Variants in UBE2U observed in about 807,000 individuals in gnomAD.
The protein encoded by UBE2U is ubiquitin-conjugating enzyme E2 U.
A neutral mutation model predicts 41.2 loss-of-function variants in UBE2U; 39 were observed. That is an observed-to-expected ratio of 0.95 (90% CI 0.73 to 1.24). The LOEUF (loss-of-function observed/expected upper bound fraction) is 1.24, where lower values mean the gene tolerates loss of function less well. Ranked by LOEUF, UBE2U falls within the 50% of genes most tolerant of loss-of-function variation. UBE2U has a pLI of 0.00. For missense variants in UBE2U, 336 were observed against 363.1 expected (o/e 0.93, Z 0.61); for synonymous variants, 107 against 117.8 (o/e 0.91, Z 0.60).
intron 3 of UBE2U, among the ~76,000 whole-genome samples, chr1:64,207,239 C>T (rs1195521879): frequency 6.6e-6 from 1 of 150,928 alleles, no homozygotes; most frequent in Non-Finnish European, 1.5e-5. Flanking sequence ...CAACCTTCAC[C>T]TCCCAGGTTC....
intron 7 of UBE2U, among the ~76,000 whole-genome samples, chr1:64,239,013 G>A (rs1330136519): frequency 6.7e-6 from 1 of 148,580 alleles, no homozygotes; most frequent in African/African-American, 2.5e-5. Context: ...CTGCACTCCA[G>A]CCTGGGTGAC....
Position 64,229,183 on chromosome 1 carries a change from C to CG in UBE2U, c.507-3374dup, listed in dbSNP as rs907358901. 4.6e-5 allele frequency among the ~76,000 whole-genome samples: 7 copies of CG among 151,958 alleles called. 1 individual carries two copies. The highest frequency in any genetic ancestry group is 1.7e-4 in the African/African-American group (7 of 41,462). ...CTAATTTTTGTATTTTTAATAGAGA[C>CG]GGGGTTTCACCATGTTGGCCAGGCT... On this transcript the variant is annotated intron_variant, in intron 6 of 9. Coordinates refer to ENST00000371077, the MANE Select transcript of UBE2U (RefSeq NM_001366232.2).
intron 7 of UBE2U, among the ~76,000 whole-genome samples, chr1:64,239,981 C>T (rs962951387): frequency 3.9e-5 from 6 of 152,170 alleles, no homozygotes; most frequent in African/African-American, 1.4e-4. Context: ...TTTACAGTCC[C>T]ACCAACAGTG....
At chr1:64,231,125 T>A (rs1328790103) in intron 6 of UBE2U, among the ~76,000 whole-genome samples, 1 of 151,900 alleles carries the variant, frequency 6.6e-6, no homozygotes, top group African/African-American at 2.4e-5. Flanking sequence ...GTAATATTTT[T>A]AATTATTATG....
chr1:64,205,801 G>A (rs1256338941), intron 2 of UBE2U, 81 bp downstream of exon 2: 1 of 1,092,046 alleles, frequency 9.2e-7, no homozygotes, highest in Admixed American at 2.4e-5. Context: ...TGTAGGATAA[G>A]GTCGCATTAT....
At chr1:64,221,635 C>T (rs1409146509) in intron 6 of UBE2U, among the ~76,000 whole-genome samples, 1 of 152,192 alleles carries the variant, frequency 6.6e-6, no homozygotes, top group African/African-American at 2.4e-5. Flanking sequence ...CCTAGAAACA[C>T]ACATACGGTT....
At chr1:64,213,682 T>C (rs964088526) in intron 4 of UBE2U, among the ~76,000 whole-genome samples, 1 of 152,222 alleles carries the variant, frequency 6.6e-6, no homozygotes, top group African/African-American at 2.4e-5. Context: ...AATGAATGAA[T>C]GAACCTGAAT....
intron 8 of UBE2U, among the ~76,000 whole-genome samples, chr1:64,248,103 TGA>T (rs1644950546): frequency 6.6e-6 from 1 of 152,182 alleles, no homozygotes; most frequent in African/African-American, 2.4e-5. Context: ...AGTTTTAATA[TGA>T]GTCACAAATA....
intron 8 of UBE2U, among the ~76,000 whole-genome samples, chr1:64,249,415 T>C (rs965062888): frequency 1.5e-5 from 2 of 132,828 alleles, no homozygotes; most frequent in Non-Finnish European, 3.3e-5. Context: ...GTCATACAAA[T>C]AAGCAGAAAA....
chr1:64,245,662 C>A (rs1409826522), intron 8 of UBE2U, among the ~76,000 whole-genome samples: 1 of 152,136 alleles, frequency 6.6e-6, no homozygotes, highest in Non-Finnish European at 1.5e-5. Context: ...GACAGTCACA[C>A]GTGTAAGTGT....
rs1334190699 is a variant in UBE2U at position 64,267,027 on chromosome 1, A to T, written c.773A>T (p.Glu258Val). 1 of 1,547,654 alleles carries T rather than the reference A, an allele frequency of 6.5e-7. No homozygotes were observed. Reference protein sequence around the residue: ...EEIKLCPTLNEIFLESPTAIN... With the variant: ...EEIKLCPTLNVIFLESPTAIN... ...TTTTTTATAATTCCCACCACAGATG[A>T]AATTTTTCTTGAGTCACCAACTGCA... Residue 258 changes from glutamate to valine, a missense_variant, in exon 10 of 10, where the codon GAA becomes GTA. Physicochemically the swap from Glu to Val is moderately radical, Grantham distance 121 (BLOSUM62 -2). Transcript: ENST00000371077.
chr1:64,243,191 G>A (rs1338605902), intron 8 of UBE2U, among the ~76,000 whole-genome samples: 1 of 152,128 alleles, frequency 6.6e-6, no homozygotes, highest in Admixed American at 6.6e-5. Context: ...TGGTTGATGA[G>A]AATATATTTA....
intron 7 of UBE2U, among the ~76,000 whole-genome samples, chr1:64,236,671 T>C (rs916319904): frequency 3.3e-5 from 5 of 152,180 alleles, no homozygotes; most frequent in Admixed American, 2.0e-4. Context: ...TTCCTGATGT[T>C]TGTTTGCTGT....
At chr1:64,263,790 A>G (rs148210509) in intron 9 of UBE2U, among the ~76,000 whole-genome samples, 1,569 of 152,286 alleles carry the variant, frequency 0.01, 4 homozygotes, top group Middle Eastern at 0.024. Context: ...TGTTCATATC[A>G]GGCATGGCGG....
At chr1:64,214,652 T>C (rs1651869819) in intron 4 of UBE2U, among the ~76,000 whole-genome samples, 163 bp from the exon 5 acceptor site, 1 of 152,216 alleles carries the variant, frequency 6.6e-6, no homozygotes, top group Non-Finnish European at 1.5e-5. Context: ...TTAGGTTTCT[T>C]GAGAGTACAG....
In UBE2U at chr1:64,239,267, C is replaced by T. The variant is rs377498266; in HGVS notation, c.596-2385C>T. 7.3e-5 allele frequency among the ~76,000 whole-genome samples: 11 copies of T among 151,530 alleles called. 1 individual carries two copies. In the East Asian group the frequency reaches 1.6e-3, roughly 21 times the overall value. On this transcript the variant is annotated intron_variant, in intron 7 of 9. Transcript: ENST00000371077. ...GTTCGACTGTAAGCTAAGCTCAGAA[C>T]AATAATAAGAAATAGGAAAATAGAT...
chr1:64,227,383 TA>T (rs1013510355), intron 6 of UBE2U, among the ~76,000 whole-genome samples: 16 of 152,266 alleles, frequency 1.1e-4, no homozygotes, highest in South Asian at 2.1e-4. Flanking sequence ...CAAATGAATA[TA>T]AAAAAACTTG....
chr1:64,220,928 T>A, intron 6 of UBE2U, 21 bp downstream of exon 6: 2 of 1,527,740 alleles, frequency 1.3e-6, no homozygotes, highest in Non-Finnish European at 1.8e-6. Context: ...CTTTATACAA[T>A]TTATGTCGAT....
intron 7 of UBE2U, among the ~76,000 whole-genome samples, chr1:64,235,422 A>G (rs970634930): frequency 5.3e-5 from 8 of 152,350 alleles, no homozygotes; most frequent in African/African-American, 1.4e-4. Context: ...TGTAAACTTT[A>G]CATGTGCTGC....
Sources: gnomAD v4.1 joint callset for allele counts (sites outside exome capture counted in the v4.1 genomes callset) on GRCh38, gnomAD v4.1.1 for gene constraint, MANE v1.5 for transcripts, NCBI Gene and HGNC (gene_info 2026-07-23, HGNC 2026-07-21) for gene names.